Variants in MTX3 observed in about 807,000 individuals in gnomAD.
MTX3 encodes the protein metaxin 3.
A neutral mutation model predicts 42.5 loss-of-function variants in MTX3; 27 were observed. The ratio of observed to expected loss-of-function variants is 0.64; its 90% CI spans 0.47 to 0.88. The LOEUF is 0.88. Ranked by LOEUF, MTX3 falls within the 40% of genes least tolerant of loss-of-function variation. The pLI, the probability that MTX3 is intolerant of heterozygous loss-of-function variation, is 0.00. For missense variants in MTX3, 378 were observed against 367.0 expected, an observed-to-expected ratio of 1.03 and a Z score of -0.25; for synonymous variants, 144 against 132.9, an observed-to-expected ratio of 1.08 and a Z score of -0.57.
Position 79,987,096 on chromosome 5 carries a change from A to G in MTX3, c.593T>C (p.Leu198Ser), listed in dbSNP as rs774353335. The stretch of plus-strand genomic sequence containing the variant: ...AAGAAAACCAAAAACATAGGCATCC[A>G]AGGTAGAAGGCCTAGAAATAAATTA... Reference protein sequence around the residue: ...QFFFGDTPSTLDAYVFGFLAP... With the variant: ...QFFFGDTPSTSDAYVFGFLAP... Residue 198 changes from leucine to serine, a missense_variant, in exon 7 of 9, where the codon TTG becomes TCG. Physicochemically the swap from Leu to Ser is moderately radical, Grantham distance 145. Coordinates refer to ENST00000512528, the MANE Select transcript of MTX3 (RefSeq NM_001363818.2). 5 of 1,613,654 alleles carry G rather than the reference A, an allele frequency of 3.1e-6. No individual in the cohort carries two copies. The highest frequency in any genetic ancestry group is 4.2e-6 in the Non-Finnish European group (5 of 1,179,814).
intron 4 of MTX3, 47 bp downstream of exon 4, chr5:79,989,105 A>G (rs760089541): frequency 1.5e-6 from 2 of 1,328,900 alleles, no homozygotes; most frequent in Non-Finnish European, 2.1e-6. Context: ...GACTATGTAC[A>G]TTTGCAACTA....
chr5:79,984,325 A>G (rs1831441225), intron 8 of MTX3, among the ~76,000 whole-genome samples: 1 of 152,206 alleles, frequency 6.6e-6, no homozygotes, highest in Non-Finnish European at 1.5e-5. Context: ...CAAAACTATT[A>G]TTCTTTCAAC....
intron 2 of MTX3, 135 bp downstream of exon 2, chr5:79,990,458 CA>C: frequency 1.4e-6 from 1 of 706,854 alleles, no homozygotes; most frequent in Non-Finnish European, 2.3e-6. Context: ...TCAGAATGAT[CA>C]AACCATAAAC....
intron 7 of MTX3, among the ~76,000 whole-genome samples, chr5:79,986,364 GC>G (rs1831489246): frequency 6.6e-6 from 1 of 152,136 alleles, no homozygotes; most frequent in South Asian, 2.1e-4. Context: ...GACAATTTCA[GC>G]CAACCATCCC....
At chr5:79,988,124 G>T (rs1831539822) in intron 6 of MTX3, 115 bp downstream of exon 6, 2 of 692,354 alleles carry the variant, frequency 2.9e-6, no homozygotes, top group East Asian at 2.7e-5. Context: ...CCTAAATCTT[G>T]TTTTTTTTAA....
rs1448977297 is a variant in MTX3 at position 79,983,166 on chromosome 5, G to A, written c.*518C>T. On this transcript the variant is annotated 3_prime_UTR_variant, in exon 9 of 9. Coordinates refer to ENST00000512528, the MANE Select transcript of MTX3 (RefSeq NM_001363818.2). ...AGCACATTCCTCCTCACTTTTTAAA[G>A]TTAAATATGGTCTCTTCTACTGAAG... is the stretch of plus-strand genomic sequence containing the variant. 1 of 154,580 alleles carries A rather than the reference G, an allele frequency of 6.5e-6. No individual in the cohort carries two copies. Among genetic ancestry groups the A allele is most frequent in the Admixed American group, 6.3e-5 (1 of 15,792 alleles). 9.6% of individuals were successfully genotyped at this position (154,580 alleles called of 1,614,324 possible). A position where few individuals can be genotyped will look rare whatever the true frequency, so the allele number is the denominator to read the frequency against.
chr5:79,988,775 C>G, intron 4 of MTX3, 131 bp from the exon 5 acceptor site: 1 of 836,150 alleles, frequency 1.2e-6, no homozygotes, highest in Non-Finnish European at 1.8e-6. Context: ...GTTAGAATGA[C>G]TCAGGATAAA....
At position 79,981,800 on chromosome 5, in the gene MTX3, T is replaced by G. The variant is rs549066582; in HGVS notation, c.*1884A>C. Reference sequence around the variant, plus strand: ...TTTTTAATTCTTTAAAATTTAAAATTTTTAAATTGTCCTGTTTTACATGTA... The same window carrying G: ...TTTTTAATTCTTTAAAATTTAAAATGTTTAAATTGTCCTGTTTTACATGTA... On this transcript the variant is annotated 3_prime_UTR_variant, in exon 9 of 9. Coordinates refer to ENST00000512528, the MANE Select transcript of MTX3 (RefSeq NM_001363818.2). 8.6e-5 allele frequency: 13 copies of G among 152,044 alleles called. No individual in the cohort carries two copies. Among genetic ancestry groups the G allele is most frequent in the African/African-American group, 3.1e-4 (13 of 41,450 alleles). 9.4% of individuals were successfully genotyped at this position (152,044 alleles called of 1,614,324 possible). A position where few individuals can be genotyped will look rare whatever the true frequency, so the allele number is the denominator to read the frequency against.
Position 79,981,038 on chromosome 5 carries a change from T to C in MTX3, c.*2646A>G, listed in dbSNP as rs1001545346. Reference sequence around the variant, plus strand: ...AAAAAACAAAATTAGCTGGGCATGGTGGCACATGCCTGTAATCCCAGCTAC... The same window carrying C: ...AAAAAACAAAATTAGCTGGGCATGGCGGCACATGCCTGTAATCCCAGCTAC... On this transcript the variant is annotated 3_prime_UTR_variant, in exon 9 of 9. Coordinates refer to ENST00000512528, the MANE Select transcript of MTX3 (RefSeq NM_001363818.2). The C allele has an allele frequency of 1.3e-5, 2 of 152,094 alleles. No individual in the cohort carries two copies. Among genetic ancestry groups the C allele is most frequent in the African/African-American group, 2.4e-5 (1 of 41,358 alleles). 9.4% of individuals were successfully genotyped at this position (152,094 alleles called of 1,614,324 possible).
At chr5:79,990,842 G>T (rs974599496) in intron 1 of MTX3, 179 bp from the exon 2 acceptor site, 28 of 720,030 alleles carry the variant, frequency 3.9e-5, no homozygotes, top group Non-Finnish European at 7.1e-5. Context: ...CGAGGACTTT[G>T]CTCCCCAAAA....
rs1451464475 is a variant in MTX3 at position 79,989,232 on chromosome 5, C to A, written c.241G>T (p.Asp81Tyr). ...NFLRKQKYNA[D>Y]YELSAKQGAD... ...CCTTGTTTTGCTGAGAGTTCATAAT[C>A]AGCATTATATTTCTATTAAAAAAAA... Residue 81 changes from aspartate (D) to tyrosine (Y), a missense_variant, in exon 4 of 9, where the codon GAT (aspartate) becomes TAT (tyrosine). Coordinates refer to ENST00000512528, the MANE Select transcript of MTX3 (RefSeq NM_001363818.2). 2 of 1,593,872 alleles carry A rather than the reference C, an allele frequency of 1.3e-6. No homozygotes were observed. The highest frequency in any genetic ancestry group is 2.7e-5 in the African/African-American group (2 of 74,122).
rs1831366548 is a variant in MTX3, at chr5:79,981,247, T to C, written c.*2437A>G. On this transcript the variant is annotated 3_prime_UTR_variant, in exon 9 of 9. Coordinates refer to ENST00000512528, the MANE Select transcript of MTX3 (RefSeq NM_001363818.2). Reference sequence around the variant, plus strand: ...CTCCCTAAAGTACTTTGTGCTCAGTTACAGCTTCCTGTCATCTCATTTACT... The same window carrying C: ...CTCCCTAAAGTACTTTGTGCTCAGTCACAGCTTCCTGTCATCTCATTTACT... 6.6e-6 allele frequency: 1 copy of C among 152,176 alleles called. No individual in the cohort carries two copies. The highest frequency in any genetic ancestry group is 6.5e-5 in the Admixed American group (1 of 15,272). 9.4% of individuals were successfully genotyped at this position (152,176 alleles called of 1,614,324 possible). A position where few individuals can be genotyped will look rare whatever the true frequency, so the allele number is the denominator to read the frequency against.
intron 8 of MTX3, among the ~76,000 whole-genome samples, chr5:79,984,590 T>C (rs528881604): frequency 3.2e-4 from 48 of 152,190 alleles, no homozygotes; most frequent in South Asian, 6.2e-4. Flanking sequence ...CCCTATGAGT[T>C]TGTAAAATAG....
chr5:79,988,704 A>G, intron 4 of MTX3, 60 bp from the exon 5 acceptor site: 2 of 1,391,202 alleles, frequency 1.4e-6, no homozygotes. Flanking sequence ...AAGATCACTC[A>G]ATCAACATGA....
In MTX3 at chr5:79,989,228, TA is replaced by T; in HGVS notation, c.244del (p.Tyr82MetfsTer40). On this transcript the variant is annotated frameshift_variant, in exon 4 of 9. Transcript: ENST00000512528. LOFTEE classifies it high-confidence loss of function. ...FLRKQKYNAD[Y>X]ELSAKQGADT... Reference sequence around the variant, plus strand: ...TGCCCCTTGTTTTGCTGAGAGTTCATAATCAGCATTATATTTCTATTAAAAA... The same window carrying T: ...TGCCCCTTGTTTTGCTGAGAGTTCATATCAGCATTATATTTCTATTAAAAA... 1 of 1,595,848 alleles carries T rather than the reference TA, an allele frequency of 6.3e-7. No individual in the cohort carries two copies.
intron 7 of MTX3, chr5:79,986,525 A>G: frequency 3.2e-6 from 1 of 313,610 alleles, no homozygotes. Flanking sequence ...GTACCTCACC[A>G]AAATCAATCT....
rs1442729609 is a variant in MTX3 at position 79,986,969 on chromosome 5, ATAAC to A, written c.716_719del (p.Ser239IlefsTer17). The A allele has an allele frequency of 6.2e-7, 1 of 1,613,900 alleles. No homozygotes were observed. Among genetic ancestry groups the A allele is most frequent in the Non-Finnish European group, 8.5e-7 (1 of 1,179,844 alleles). On this transcript the variant is annotated frameshift_variant, in exon 7 of 9. Transcript: ENST00000512528. LOFTEE classifies it high-confidence loss of function. ...GCTTACCTCCAAGACTAAGCCTAAA[ATAAC>A]TGCTCAGGATGTCATCACAAAAGCG...
At position 79,981,472 on chromosome 5, in the gene MTX3, G is replaced by A. The variant is rs1447856644; in HGVS notation, c.*2212C>T. 6.6e-6 allele frequency: 1 copy of A among 152,106 alleles called. No individual in the cohort carries two copies. Among genetic ancestry groups the A allele is most frequent in the African/African-American group, 2.4e-5 (1 of 41,408 alleles). 9.4% of individuals were successfully genotyped at this position (152,106 alleles called of 1,614,324 possible). A position where few individuals can be genotyped will look rare whatever the true frequency, so the allele number is the denominator to read the frequency against. On this transcript the variant is annotated 3_prime_UTR_variant, in exon 9 of 9. Coordinates refer to ENST00000512528, the MANE Select transcript of MTX3 (RefSeq NM_001363818.2). ...CCTCTACTAAAAAAGAATAATACTT[G>A]TTATTCTAAAATGACCTCTTTTGAT...
chr5:79,979,940 T>C lies in MTX3; in HGVS notation c.*3744A>G, dbSNP rs1831335240. 1 of 152,196 alleles carries C rather than the reference T, an allele frequency of 6.6e-6. No homozygotes were observed. The highest frequency in any genetic ancestry group is 1.5e-5 in the Non-Finnish European group (1 of 68,034). The allele number at this position is 152,196 out of a possible 1,614,324, so 9.4% of individuals were successfully genotyped here. On this transcript the variant is annotated 3_prime_UTR_variant, in exon 9 of 9. Transcript: ENST00000512528. ...TAAATCATGGTTTATATATAGATAA[T>C]GATACATTTAATCTATGAATTTACT... is the stretch of plus-strand genomic sequence containing the variant.
Sources: allele counts gnomAD v4.1 joint callset (sites outside exome capture counted in the v4.1 genomes callset), GRCh38; gene constraint gnomAD v4.1.1; transcripts MANE v1.5; gene names NCBI Gene and HGNC (gene_info 2026-07-23, HGNC 2026-07-21).